TLN2: variants seen among roughly 807,000 people sequenced by gnomAD.
The protein encoded by TLN2 is talin 2, also known as talin-2.
In TLN2, 118 loss-of-function variants were observed where a neutral mutation model predicts 294.7. The observed-to-expected ratio is 0.40, with a 90% CI of 0.34 to 0.47. TLN2 has a LOEUF of 0.47. TLN2 is among the 20% of genes least tolerant of loss of function. The pLI is 0.84. For synonymous variants in TLN2, 1,431 were observed against 1,304.5 expected, an observed-to-expected ratio of 1.10 and a Z score of -2.09; for missense variants, 3,083 against 3,282.2, an observed-to-expected ratio of 0.94 and a Z score of 1.48.
At chr15:62,428,409 T>G (rs2034831091) in intron 1 of TLN2, among the ~76,000 whole-genome samples, 1 of 152,242 alleles carries the variant, frequency 6.6e-6, no homozygotes, top group African/African-American at 2.4e-5. Flanking sequence ...TCCTGTGGTT[T>G]GCGTTTAGTG....
intron 1 of TLN2, among the ~76,000 whole-genome samples, chr15:62,425,703 T>C (rs1159041673): frequency 6.6e-6 from 1 of 152,224 alleles, no homozygotes. Flanking sequence ...TGTGTCCTCC[T>C]TGGGTTTAAT....
intron 33 of TLN2, among the ~76,000 whole-genome samples, chr15:62,749,770 AATGCC>A (rs2061820703): frequency 6.6e-6 from 1 of 152,234 alleles, no homozygotes; most frequent in East Asian, 1.9e-4. Context: ...AGTTCATTAC[AATGCC>A]ATGACAGAGC....
At chr15:62,622,298 A>G (rs2140861817) in intron 3 of TLN2, among the ~76,000 whole-genome samples, 1 of 152,316 alleles carries the variant, frequency 6.6e-6, no homozygotes, top group East Asian at 1.9e-4. Flanking sequence ...AGAAGTGGAA[A>G]AGGGTGTGAG....
At chr15:62,572,740 C>T (rs574012613) in intron 1 of TLN2, among the ~76,000 whole-genome samples, 2 of 152,356 alleles carry the variant, frequency 1.3e-5, no homozygotes, top group South Asian at 2.1e-4. Context: ...TTGCTGTTGC[C>T]CCTGCAGGCC....
chr15:62,492,613 T>C (rs1378834863), intron 1 of TLN2, among the ~76,000 whole-genome samples: 2 of 152,042 alleles, frequency 1.3e-5, no homozygotes, highest in African/African-American at 4.8e-5. Context: ...AGATAGTCTG[T>C]TTTTAAAATA....
chr15:62,600,849 A>G (rs1184418609), intron 2 of TLN2, among the ~76,000 whole-genome samples: 1 of 152,194 alleles, frequency 6.6e-6, no homozygotes, highest in Non-Finnish European at 1.5e-5. Context: ...TGTCAAATAG[A>G]TAGAACTTAA....
intron 13 of TLN2, 119 bp downstream of exon 13, chr15:62,693,060 T>C: frequency 1.3e-6 from 1 of 796,792 alleles, no homozygotes; most frequent in Non-Finnish European, 2.0e-6. Context: ...CCAGGCATGG[T>C]GGCTCACGCC....
At chr15:62,661,207 C>A (rs1227592251) in intron 9 of TLN2, among the ~76,000 whole-genome samples, 1 of 152,138 alleles carries the variant, frequency 6.6e-6, no homozygotes, top group Non-Finnish European at 1.5e-5. Flanking sequence ...TGGTAGACTT[C>A]AGCTCTTAAA....
intron 3 of TLN2, among the ~76,000 whole-genome samples, chr15:62,625,938 G>A (rs1409548530): frequency 1.3e-5 from 2 of 152,190 alleles, no homozygotes; most frequent in African/African-American, 4.8e-5. Flanking sequence ...TGTCTAGGCT[G>A]TAGGTGGGGT....
At chr15:62,574,242 G>GA (rs940333233) in intron 1 of TLN2, among the ~76,000 whole-genome samples, 1 of 151,406 alleles carries the variant, frequency 6.6e-6, no homozygotes, top group Admixed American at 6.6e-5. Flanking sequence ...TATTCATCTA[G>GA]AAATTTTTTT....
chr15:62,400,175 C>A (rs2032916088), intron 1 of TLN2, among the ~76,000 whole-genome samples: 1 of 152,198 alleles, frequency 6.6e-6, no homozygotes, highest in Admixed American at 6.5e-5. Flanking sequence ...CTCCTGCCGC[C>A]ATGTGAAGAA....
intron 1 of TLN2, among the ~76,000 whole-genome samples, chr15:62,453,907 C>T (rs1246316753): frequency 1.3e-5 from 2 of 152,192 alleles, no homozygotes; most frequent in Non-Finnish European, 2.9e-5. Flanking sequence ...AGTGTGAGCC[C>T]TTCCTGCAGC....
chr15:62,803,027 GTTTCC>G, intron 50 of TLN2, among the ~76,000 whole-genome samples: 1 of 152,262 alleles, frequency 6.6e-6, no homozygotes, highest in East Asian at 1.9e-4. Context: ...TGGGTTGATT[GTTTCC>G]TTTGCTGTGC....
chr15:62,580,963 A>G (rs2044935985), intron 1 of TLN2, among the ~76,000 whole-genome samples: 2 of 148,894 alleles, frequency 1.3e-5, no homozygotes, highest in Admixed American at 1.4e-4. Flanking sequence ...GGCTCTCAGC[A>G]ACTTCCGCCT....
chr15:62,442,996 T>TC (rs2035632704), intron 1 of TLN2, among the ~76,000 whole-genome samples: 1 of 152,338 alleles, frequency 6.6e-6, no homozygotes, highest in South Asian at 2.1e-4. Context: ...CCTTCCACTG[T>TC]CCCACCTCCT....
chr15:62,527,860 G>A (rs1369361296), intron 1 of TLN2, among the ~76,000 whole-genome samples: 8 of 152,136 alleles, frequency 5.3e-5, no homozygotes, highest in African/African-American at 1.9e-4. Flanking sequence ...TAGTTACTCT[G>A]AATCCTATAG....
At chr15:62,527,045 C>T (rs1012987472) in intron 1 of TLN2, among the ~76,000 whole-genome samples, 2 of 152,136 alleles carry the variant, frequency 1.3e-5, no homozygotes, top group South Asian at 2.1e-4. Context: ...AGAGACATGA[C>T]GTCGAGCTTC....
intron 1 of TLN2, among the ~76,000 whole-genome samples, chr15:62,439,635 G>A (rs1010004972): frequency 2.0e-5 from 3 of 152,066 alleles, no homozygotes; most frequent in Non-Finnish European, 4.4e-5. Context: ...TTATGGATTG[G>A]GTCAGCATGC....
rs116228339 is a variant in TLN2 at position 62,697,496 on chromosome 15, A to G, written c.1293-192A>G. On this transcript the variant is annotated intron_variant, in intron 14 of 58. Transcript: ENST00000636159. ...GTAATTATTTACATTACTTATCATA[A>G]AAGGATTCATCTCAGAGCTCTGCTA... is the stretch of plus-strand genomic sequence containing the variant. Among the ~76,000 whole-genome samples the G allele has an allele frequency of 1.6e-3, 242 of 152,336 alleles. 2 individuals are homozygous for G. The highest frequency in any genetic ancestry group is 5.4e-3 in the African/African-American group (224 of 41,586).
Sources: gnomAD v4.1 joint callset for allele counts (sites outside exome capture counted in the v4.1 genomes callset) on GRCh38, gnomAD v4.1.1 for gene constraint, MANE v1.5 for transcripts, NCBI Gene and HGNC (gene_info 2026-07-23, HGNC 2026-07-21) for gene names.